The following ARHGEF17 variants were observed in gnomAD, a reference collection of about 807,000 sequenced individuals.
ARHGEF17 encodes 164 kDa Rho-specific guanine-nucleotide exchange factor.
In ARHGEF17, 80 loss-of-function variants were observed where a neutral mutation model predicts 174.0. That is an observed-to-expected ratio of 0.46 (90% CI 0.38 to 0.55). The LOEUF (loss-of-function observed/expected upper bound fraction) is 0.55. Among genes scored for constraint, ARHGEF17 ranks in the 20% least tolerant of loss-of-function variants. The pLI is 0.00. For synonymous variants in ARHGEF17, 1,311 were observed against 1,189.1 expected (o/e 1.10, Z -2.11); for missense variants, 2,886 against 2,839.7 (o/e 1.02, Z -0.37).
intron 1 of ARHGEF17, among the ~76,000 whole-genome samples, chr11:73,340,408 C>A (rs1392404540): frequency 6.6e-6 from 1 of 152,158 alleles, no homozygotes; most frequent in Non-Finnish European, 1.5e-5. Flanking sequence ...TCTTGCCATG[C>A]CTCCTCCAGG....
rs372048879 is a variant in ARHGEF17 at position 73,367,646 on chromosome 11, G to C, written c.6058G>C (p.Ala2020Pro). 89 of 1,613,910 alleles carry C rather than the reference G, an allele frequency of 5.5e-5. No homozygotes were observed. The highest frequency in any genetic ancestry group is 7.2e-5 in the Non-Finnish European group (85 of 1,179,984). The change falls in exon 21 of 21, where the codon GCC becomes CCC. Residue 2020 changes from alanine (A) to proline (P), a missense_variant. Physicochemically the swap from Ala to Pro is conservative, Grantham distance 27 (BLOSUM62 -1). Coordinates refer to ENST00000263674, the MANE Select transcript of ARHGEF17 (RefSeq NM_014786.4). ...CCCTTGGCACCGAGGCCCCGCCCCT[G>C]CCAGGCCTAAAATGCTGGTTATCAG... ...DSPWHRGPAP[A>P]RPKMLVISGG...
At chr11:73,335,198 C>T (rs1180290115) in intron 1 of ARHGEF17, among the ~76,000 whole-genome samples, 1 of 152,124 alleles carries the variant, frequency 6.6e-6, no homozygotes, top group Non-Finnish European at 1.5e-5. Context: ...ACCCTAAGGC[C>T]TCATGGGATT....
chr11:73,320,192 G>C (rs1417910854), intron 1 of ARHGEF17, among the ~76,000 whole-genome samples: 3 of 152,112 alleles, frequency 2.0e-5, no homozygotes, highest in Non-Finnish European at 4.4e-5. Flanking sequence ...GCTTCAGGGA[G>C]GTGGCATGTG....
chr11:73,367,588 C>G lies in ARHGEF17; in HGVS notation c.6000C>G (p.Pro2000=), dbSNP rs765972861. The change falls in exon 21 of 21, where the codon CCC becomes CCG. Residue 2000 remains proline (P), a synonymous_variant. Transcript: ENST00000263674. Reference sequence around the variant, plus strand: ...GATCCTCCCCTCTGCCCCCAGGCCCCGAGAAGCTGCCATCACTGGAGCACC... The same window carrying G: ...GATCCTCCCCTCTGCCCCCAGGCCCGGAGAAGCTGCCATCACTGGAGCACC... ...PTPPPPPDTG[P]EKLPSLEHRD... is the part of the protein sequence containing the mutation. 6.2e-7 allele frequency: 1 copy of G among 1,610,568 alleles called. No homozygotes were observed. Among genetic ancestry groups the G allele is most frequent in the Non-Finnish European group, 8.5e-7 (1 of 1,177,868 alleles).
At chr11:73,321,610 C>T (rs971252417) in intron 1 of ARHGEF17, among the ~76,000 whole-genome samples, 1 of 152,210 alleles carries the variant, frequency 6.6e-6, no homozygotes, top group East Asian at 1.9e-4. Flanking sequence ...GAGCGCTCAG[C>T]CCTGGGCGCT....
At chr11:73,314,055 A>T (rs896108160) in intron 1 of ARHGEF17, among the ~76,000 whole-genome samples, 1 of 151,990 alleles carries the variant, frequency 6.6e-6, no homozygotes, top group Non-Finnish European at 1.5e-5. Flanking sequence ...AATTTCCCAC[A>T]CCCTCATAAA....
Position 73,309,585 on chromosome 11 carries a change from G to A in ARHGEF17, c.947G>A (p.Ser316Asn). The A allele has an allele frequency of 6.2e-7, 1 of 1,612,542 alleles. No individual in the cohort carries two copies. Among genetic ancestry groups the A allele is most frequent in the East Asian group, 2.2e-5 (1 of 44,858 alleles). Residue 316 changes from serine (S) to asparagine (N), a missense_variant, in exon 1 of 21, where the codon AGC becomes AAC. Around this residue, in one of 4 missense-constraint regions of ARHGEF17, gnomAD observed 1,728 missense variants for 1,461.2 expected, o/e 1.18. Transcript: ENST00000263674. ...CCTGACAGTGATGGGTTAAATCTAA[G>A]CAGCATGAACTCAGCAGGGGTTTCT... ...CRPDSDGLNLSSMNSAGVSGS... is the reference protein window; with the variant it reads ...CRPDSDGLNLNSMNSAGVSGS...
At chr11:73,322,324 G>A (rs958488010) in intron 1 of ARHGEF17, among the ~76,000 whole-genome samples, 1 of 152,204 alleles carries the variant, frequency 6.6e-6, no homozygotes, top group Admixed American at 6.5e-5. Flanking sequence ...GAAGAAAAGG[G>A]CCAGGGCCTT....
chr11:73,333,376 G>A (rs558102487), intron 1 of ARHGEF17, among the ~76,000 whole-genome samples: 97 of 152,350 alleles, frequency 6.4e-4, no homozygotes, highest in Admixed American at 1.2e-3. Context: ...ATGCACGCGC[G>A]CGCGCACTCA....
intron 2 of ARHGEF17, among the ~76,000 whole-genome samples, chr11:73,351,580 ATCTT>A (rs1253815245): frequency 6.6e-6 from 1 of 152,094 alleles, no homozygotes; most frequent in Non-Finnish European, 1.5e-5. Context: ...TCCCTGCTCT[ATCTT>A]CACACCATTA....
intron 1 of ARHGEF17, among the ~76,000 whole-genome samples, chr11:73,330,067 G>A (rs182733225): frequency 2.6e-5 from 4 of 152,290 alleles, no homozygotes; most frequent in Non-Finnish European, 2.9e-5. Context: ...ATGGATTCCC[G>A]TTTCTGTGAA....
rs371501281 is a variant in ARHGEF17 at position 73,310,697 on chromosome 11, G to A, written c.2059G>A (p.Asp687Asn). ...QTNHHGPGTE[D>N]SLGGWALVSP... ...GAACCACCATGGCCCTGGGACTGAG[G>A]ACAGTCTGGGCGGGTGGGCCCTGGT... Residue 687 changes from aspartate to asparagine, a missense_variant, in exon 1 of 21, where the codon GAC becomes AAC. Asp to Asn is a conservative substitution (Grantham distance 23, BLOSUM62 1). Around this residue, in one of 4 missense-constraint regions of ARHGEF17, gnomAD observed 1,728 missense variants for 1,461.2 expected, o/e 1.18. Transcript: ENST00000263674. 100 of 1,613,620 alleles carry A rather than the reference G, an allele frequency of 6.2e-5. No individual in the cohort carries two copies. The South Asian group carries it at 9.7e-4, about 16-fold the overall frequency.
At chr11:73,330,563 G>A (rs1865188916) in intron 1 of ARHGEF17, among the ~76,000 whole-genome samples, 1 of 152,184 alleles carries the variant, frequency 6.6e-6, no homozygotes, top group Non-Finnish European at 1.5e-5. Flanking sequence ...GGGGATCGAG[G>A]CTGTGGCTGT....
At chr11:73,333,577 G>A (rs1244746816) in intron 1 of ARHGEF17, among the ~76,000 whole-genome samples, 2 of 152,236 alleles carry the variant, frequency 1.3e-5, no homozygotes, top group African/African-American at 4.8e-5. Flanking sequence ...TGCTTGCCTG[G>A]TGTGATGGGA....
At position 73,310,571 on chromosome 11, in the gene ARHGEF17, G is replaced by A. The variant is rs763803068; in HGVS notation, c.1933G>A (p.Asp645Asn). The change falls in exon 1 of 21, where the codon GAT becomes AAT. Residue 645 changes from aspartate to asparagine, a missense_variant. Physicochemically the swap from Asp to Asn is conservative, Grantham distance 23. Transcript: ENST00000263674. ...ELSGPESSLTDEGIGADPEPP... is the reference protein window; with the variant it reads ...ELSGPESSLTNEGIGADPEPP... ...CTCAGGCCCTGAGTCCAGTCTGACA[G>A]ATGAAGGCATTGGGGCAGACCCTGA... is the stretch of plus-strand genomic sequence containing the variant. 1 of 1,614,148 alleles carries A rather than the reference G, an allele frequency of 6.2e-7. No homozygotes were observed. Among genetic ancestry groups the A allele is most frequent in the Non-Finnish European group, 8.5e-7 (1 of 1,180,032 alleles).
chr11:73,313,072 C>T (rs938945785), intron 1 of ARHGEF17, among the ~76,000 whole-genome samples: 1 of 152,212 alleles, frequency 6.6e-6, no homozygotes, highest in African/African-American at 2.4e-5. Flanking sequence ...AAATTATAAA[C>T]CCTGGACTGA....
At position 73,310,752 on chromosome 11, in the gene ARHGEF17, C is replaced by T. The variant is rs766038618; in HGVS notation, c.2114C>T (p.Ala705Val). ...CCTGAGACCCCTCCCACACCAGGTGCCCTCCGCCGACGACGCAAAGTCCCA... is the reference window on the plus strand; with the variant it reads ...CCTGAGACCCCTCCCACACCAGGTGTCCTCCGCCGACGACGCAAAGTCCCA... ...VSPETPPTPG[A>V]LRRRRKVPPS... The change falls in exon 1 of 21, where the codon GCC (alanine) becomes GTC (valine). Residue 705 changes from alanine (A) to valine (V), a missense_variant. By Grantham distance (64) the Ala-to-Val change is moderately conservative (BLOSUM62 0). Transcript: ENST00000263674. 1.2e-6 allele frequency: 2 copies of T among 1,611,264 alleles called. No individual in the cohort carries two copies. The highest frequency in any genetic ancestry group is 1.7e-5 in the Admixed American group (1 of 59,988).
In ARHGEF17 at chr11:73,310,525, G is replaced by A; in HGVS notation, c.1887G>A (p.Gly629=). The A allele has an allele frequency of 6.2e-7, 1 of 1,613,958 alleles. No homozygotes were observed. The highest frequency in any genetic ancestry group is 8.5e-7 in the Non-Finnish European group (1 of 1,180,026). The change falls in exon 1 of 21, where the codon GGG becomes GGA. Residue 629 remains glycine, a synonymous_variant. Transcript: ENST00000263674. The part of the protein sequence containing the change: ...SPDWAGDVTR[G]QRSQEELSGP... ...ACTGGGCAGGGGATGTGACCCGAGG[G>A]CAGCGGTCCCAGGAGGAGCTCTCAG...
chr11:73,311,093 G>C lies in ARHGEF17; in HGVS notation c.2455G>C (p.Ala819Pro). 1.2e-6 allele frequency: 2 copies of C among 1,608,244 alleles called. No homozygotes were observed. Among genetic ancestry groups the C allele is most frequent in the Non-Finnish European group, 1.7e-6 (2 of 1,175,380 alleles). Residue 819 changes from alanine (A) to proline (P), a missense_variant, in exon 1 of 21, where the codon GCT becomes CCT. Physicochemically the swap from Ala to Pro is conservative, Grantham distance 27. Transcript: ENST00000263674. ...GGGGCGTGTGGTGGACGACAGGATT[G>C]CTGGCAAAGCCCCCAAGAAGAAATC... is the stretch of plus-strand genomic sequence containing the variant. ...TLGRVVDDRI[A>P]GKAPKKKSLS...
Sources: allele counts gnomAD v4.1 joint callset (sites outside exome capture counted in the v4.1 genomes callset), GRCh38; gene constraint gnomAD v4.1.1; regional missense constraint gnomAD v4.1.1; transcripts MANE v1.5; gene names NCBI Gene and HGNC (gene_info 2026-07-23, HGNC 2026-07-21).